The following FRMPD2 variants were observed in gnomAD, a reference collection of about 807,000 sequenced individuals.
FRMPD2 encodes FERM and PDZ domain-containing protein 2.
In FRMPD2, 96 loss-of-function variants were observed where a neutral mutation model predicts 140.1. The ratio of observed to expected loss-of-function variants is 0.69; its 90% CI spans 0.58 to 0.81. The LOEUF (loss-of-function observed/expected upper bound fraction) is 0.81, where lower values mean the gene tolerates loss of function less well. Among genes scored for constraint, FRMPD2 ranks in the 40% least tolerant of loss-of-function variants. FRMPD2 has a pLI of 0.00. For synonymous variants in FRMPD2, 449 were observed against 547.6 expected, an observed-to-expected ratio of 0.82 and a Z score of 2.52; for missense variants, 1,240 against 1,447.4, an observed-to-expected ratio of 0.86 and a Z score of 2.32.
At chr10:48,237,122 C>A (rs1476093910) in intron 8 of FRMPD2, among the ~76,000 whole-genome samples, 1 of 139,392 alleles carries the variant, frequency 7.2e-6, no homozygotes, top group Non-Finnish European at 1.5e-5. Flanking sequence ...GGCTCCTCAC[C>A]TTTAAAAAAA....
At chr10:48,267,321 A>G (rs1840695137) in intron 1 of FRMPD2, among the ~76,000 whole-genome samples, 1 of 152,206 alleles carries the variant, frequency 6.6e-6, no homozygotes, top group Admixed American at 6.5e-5. Context: ...CAACAAAGAA[A>G]TATAAAGAAC....
chr10:48,246,113 A>G (rs1840242948), intron 3 of FRMPD2, among the ~76,000 whole-genome samples: 1 of 152,064 alleles, frequency 6.6e-6, no homozygotes, highest in South Asian at 2.1e-4. Flanking sequence ...TTCCAGAGAA[A>G]GGACCCAAAG....
chr10:48,222,491 G>C, intron 11 of FRMPD2, 40 bp from the exon 12 acceptor site: 2 of 1,607,432 alleles, frequency 1.2e-6, no homozygotes, highest in Non-Finnish European at 1.7e-6. Flanking sequence ...GGGTTGCTAA[G>C]GGAAAGGGAG....
intron 1 of FRMPD2, among the ~76,000 whole-genome samples, chr10:48,266,099 G>A (rs1840673611): frequency 6.6e-6 from 1 of 152,140 alleles, no homozygotes; most frequent in Non-Finnish European, 1.5e-5. Context: ...ATTATCCTTA[G>A]CAAACTAACA....
In FRMPD2 at chr10:48,274,588, G is replaced by T. The variant is rs762459178; in HGVS notation, c.-21C>A. ...TGCATCCAAAAGTCTCCGTGACCAG[G>T]TCTAGGCCTTCATCATGGGACAACT... On this transcript the variant is annotated 5_prime_UTR_variant, in exon 1 of 29. Coordinates refer to ENST00000374201, the MANE Select transcript of FRMPD2 (RefSeq NM_001018071.4). The T allele has an allele frequency of 5.0e-6, 8 of 1,613,314 alleles. No homozygotes were observed. The highest frequency in any genetic ancestry group is 6.8e-6 in the Non-Finnish European group (8 of 1,179,484).
chr10:48,240,914 C>A (rs951130692), intron 5 of FRMPD2, among the ~76,000 whole-genome samples: 2 of 152,244 alleles, frequency 1.3e-5, no homozygotes, highest in Non-Finnish European at 2.9e-5. Flanking sequence ...CTGTCTCCCC[C>A]AACATCTCTG....
At chr10:48,180,548 G>A (rs1564416616) in intron 21 of FRMPD2, among the ~76,000 whole-genome samples, 1 of 151,782 alleles carries the variant, frequency 6.6e-6, no homozygotes, top group Non-Finnish European at 1.5e-5. Flanking sequence ...AGACTCCAGA[G>A]GCACCCACAC....
chr10:48,274,523 T>C lies in FRMPD2; in HGVS notation c.25+20A>G, dbSNP rs1840820652. On this transcript the variant is annotated intron_variant, in intron 1 of 28. Transcript: ENST00000374201. The stretch of plus-strand genomic sequence containing the variant: ...CCTGACCAGATTTATAGGAGAAAAC[T>C]GAATGATGCCAAGGAATACCTGCGT... The C allele has an allele frequency of 1.2e-6, 2 of 1,613,286 alleles. No homozygotes were observed. The highest frequency in any genetic ancestry group is 1.3e-5 in the African/African-American group (1 of 74,908).
In FRMPD2 at chr10:48,222,421, C is replaced by T; in HGVS notation, c.1347G>A (p.Leu449=). 6.2e-7 allele frequency: 1 copy of T among 1,614,048 alleles called. No individual in the cohort carries two copies. The highest frequency in any genetic ancestry group is 1.3e-5 in the African/African-American group (1 of 75,040). ...CCTCCAGGATATCTTTCCGAAGCTG[C>T]AGGTAAAACTGGTGCCTTGTCAGGC... ...QHSLTRHQFY[L]QLRKDILEER... Residue 449 remains leucine, a synonymous_variant, in exon 12 of 29, where the codon CTG becomes CTA. Transcript: ENST00000374201.
intron 1 of FRMPD2, among the ~76,000 whole-genome samples, chr10:48,258,411 A>G (rs566130459): frequency 1.3e-5 from 2 of 152,206 alleles, no homozygotes; most frequent in East Asian, 3.9e-4. Context: ...CCTGTTTTCT[A>G]CCCCACAGCC....
chr10:48,189,792 C>G (rs574788837), intron 16 of FRMPD2, among the ~76,000 whole-genome samples: 1 of 152,214 alleles, frequency 6.6e-6, no homozygotes, highest in South Asian at 2.1e-4. Flanking sequence ...CCCAAGCAGC[C>G]GTCCCTGGTG....
intron 13 of FRMPD2, among the ~76,000 whole-genome samples, chr10:48,210,305 C>A (rs531250785): frequency 6.6e-6 from 1 of 152,154 alleles, no homozygotes; most frequent in Non-Finnish European, 1.5e-5. Flanking sequence ...TCCTTGAAAC[C>A]GATAAAGATT....
rs923651367 is a variant in FRMPD2, at chr10:48,240,301, G to A, written c.700+59C>T. On this transcript the variant is annotated intron_variant, in intron 6 of 28. Transcript: ENST00000374201. ...GTGGATGTGTAGCCCATACAGGGCA[G>A]GAAAAAATAGAATGGGTACCATCAG... 9 of 1,578,974 alleles carry A rather than the reference G, an allele frequency of 5.7e-6. No individual in the cohort carries two copies. In the East Asian group the frequency reaches 6.8e-5, roughly 12 times the overall value.
intron 4 of FRMPD2, 59 bp from the exon 5 acceptor site, chr10:48,242,411 A>G: frequency 6.7e-7 from 1 of 1,490,272 alleles, no homozygotes; most frequent in Non-Finnish European, 9.2e-7. Flanking sequence ...CTACGAGGCC[A>G]GCACCTTGTC....
chr10:48,230,344 T>C (rs2131921172), intron 10 of FRMPD2, among the ~76,000 whole-genome samples: 1 of 152,332 alleles, frequency 6.6e-6, no homozygotes, highest in Admixed American at 6.5e-5. Context: ...TTAAAATTGG[T>C]TATATTACTA....
chr10:48,200,188 AT>A lies in FRMPD2; in HGVS notation c.1954+1039del, dbSNP rs1397914584. Among the ~76,000 whole-genome samples, 63 of 149,716 alleles carry A rather than the reference AT, an allele frequency of 4.2e-4. 2 individuals carry two copies. The highest frequency in any genetic ancestry group is 3.5e-3 in the East Asian group (18 of 5,180). On this transcript the variant is annotated intron_variant, in intron 15 of 28. Coordinates refer to ENST00000374201, the MANE Select transcript of FRMPD2 (RefSeq NM_001018071.4). ...AATAAATAAATAAATAAATAAATAA[AT>A]AAATAAATAAAACAGAGCCAAGCAA...
At chr10:48,234,235 T>C (rs1445143846) in intron 9 of FRMPD2, among the ~76,000 whole-genome samples, 1 of 152,194 alleles carries the variant, frequency 6.6e-6, no homozygotes, top group African/African-American at 2.4e-5. Context: ...TGAATATCCC[T>C]ATGCCCAAGA....
Position 48,249,152 on chromosome 10 carries a change from AG to A in FRMPD2, c.177del (p.Trp60GlyfsTer20), listed in dbSNP as rs1840319365. On this transcript the variant is annotated frameshift_variant, in exon 3 of 29. Transcript: ENST00000374201. LOFTEE classifies it high-confidence loss of function. ...RNDSSDYVVC[P>X]WSALLSAAGS... is the part of the protein sequence containing the mutation. Reference sequence around the variant, plus strand: ...CCAGCTGCAGAAAGCAGGGCTGACCAGGGGCAAACCACATAGTCCGAGGAAT... The same window carrying A: ...CCAGCTGCAGAAAGCAGGGCTGACCAGGGCAAACCACATAGTCCGAGGAAT... The A allele has an allele frequency of 6.2e-7, 1 of 1,614,126 alleles. No individual in the cohort carries two copies. The highest frequency in any genetic ancestry group is 2.2e-5 in the East Asian group (1 of 44,878).
At chr10:48,186,259 C>G (rs972869003) in intron 17 of FRMPD2, among the ~76,000 whole-genome samples, 1 of 152,200 alleles carries the variant, frequency 6.6e-6, no homozygotes, top group African/African-American at 2.4e-5. Flanking sequence ...TGGTGACCCA[C>G]CACTTCAGTC....
Sources: allele counts gnomAD v4.1 joint callset (sites outside exome capture counted in the v4.1 genomes callset), GRCh38; gene constraint gnomAD v4.1.1; transcripts MANE v1.5; gene names NCBI Gene and HGNC (gene_info 2026-07-23, HGNC 2026-07-21).